The following DPY19L3 variants were observed in gnomAD, a reference collection of about 807,000 sequenced individuals.
DPY19L3 encodes the protein dpy-19 like C-mannosyltransferase 3.
A neutral mutation model predicts 92.3 loss-of-function variants in DPY19L3; 51 were observed. The observed-to-expected ratio is 0.55, with a 90% CI of 0.44 to 0.70. The LOEUF (loss-of-function observed/expected upper bound fraction) is 0.70, where lower values mean the gene tolerates loss of function less well. DPY19L3 is among the 30% of genes least tolerant of loss of function. The pLI, the probability that DPY19L3 is intolerant of heterozygous loss-of-function variation, is 0.00. For synonymous variants in DPY19L3, 309 were observed against 315.2 expected (o/e 0.98, Z 0.21); for missense variants, 706 against 855.9 (o/e 0.82, Z 2.18).
intron 3 of DPY19L3, among the ~76,000 whole-genome samples, chr19:32,414,602 A>T (rs1968314895): frequency 6.6e-6 from 1 of 152,128 alleles, no homozygotes; most frequent in South Asian, 2.1e-4. Context: ...TCAAAAAAAA[A>T]AAAAGAAAGC....
At chr19:32,412,129 G>GGC (rs1968205112) in intron 3 of DPY19L3, 1 of 152,082 alleles carries the variant, frequency 6.6e-6, no homozygotes, top group Non-Finnish European at 1.5e-5. Flanking sequence ...TACTGCCCTG[G>GGC]TCTTCCAAAA....
intron 12 of DPY19L3, among the ~76,000 whole-genome samples, chr19:32,459,709 T>C (rs1969977844): frequency 6.6e-6 from 1 of 152,162 alleles, no homozygotes; most frequent in Non-Finnish European, 1.5e-5. Context: ...TCTGCCATGC[T>C]CTGTGTGAAT....
chr19:32,439,681 G>A, intron 7 of DPY19L3, 95 bp from the exon 8 acceptor site: 2 of 1,308,466 alleles, frequency 1.5e-6, no homozygotes, highest in South Asian at 1.4e-5. Context: ...TTTCTGTTTG[G>A]TTTATAGAGA....
chr19:32,414,808 T>C (rs560840326), intron 3 of DPY19L3, among the ~76,000 whole-genome samples: 1 of 152,330 alleles, frequency 6.6e-6, no homozygotes, highest in East Asian at 1.9e-4. Context: ...AATTTAAAAC[T>C]TGTAACCAGC....
Position 32,408,375 on chromosome 19 carries a change from A to G in DPY19L3, c.103+19A>G. The G allele has an allele frequency of 6.3e-7, 1 of 1,587,776 alleles. No homozygotes were observed. Among genetic ancestry groups the G allele is most frequent in the South Asian group, 1.1e-5 (1 of 89,684 alleles). On this transcript the variant is annotated intron_variant, in intron 2 of 18. Transcript: ENST00000392250. ...CCATCTGGTAGGTGATTTAAACTAAAGCAGCAATTTGGGTTGCTTTTATTT... is the reference window on the plus strand; with the variant it reads ...CCATCTGGTAGGTGATTTAAACTAAGGCAGCAATTTGGGTTGCTTTTATTT...
intron 3 of DPY19L3, among the ~76,000 whole-genome samples, chr19:32,423,605 C>T (rs926004610): frequency 6.6e-6 from 1 of 151,706 alleles, no homozygotes; most frequent in Non-Finnish European, 1.5e-5. Flanking sequence ...ACTTTTGCAC[C>T]AGTCTAATAC....
Position 32,436,508 on chromosome 19 carries a change from C to T in DPY19L3, c.391C>T (p.Arg131Ter), listed in dbSNP as rs765419476. ...ESMKTINLLQ[R>*]MNIYQEVFLS... ...TATGAAGACAATTAACCTCCTTCAG[C>T]GAATGAATATTTACCAAGAGGTTTT... The change falls in exon 5 of 19, where the codon CGA becomes TGA. Residue 131 changes from arginine (R) to a stop codon, truncating the protein, a stop_gained. Transcript: ENST00000392250. LOFTEE classifies it high-confidence loss of function. 1.3e-6 allele frequency: 2 copies of T among 1,576,588 alleles called. No homozygotes were observed. Among genetic ancestry groups the T allele is most frequent in the Non-Finnish European group, 1.7e-6 (2 of 1,152,880 alleles).
In DPY19L3 at chr19:32,453,247, C is replaced by T; in HGVS notation, c.958C>T (p.Leu320Phe). 2 of 1,612,582 alleles carry T rather than the reference C, an allele frequency of 1.2e-6. No individual in the cohort carries two copies. Among genetic ancestry groups the T allele is most frequent in the Non-Finnish European group, 1.7e-6 (2 of 1,179,698 alleles). ...ILGSLLISFN[L>F]SVFIARKLQK... ...TGGATCACTGCTTATCAGTTTTAAC[C>T]TTTCAGTATTCATTGCAAGAAAACT... The change falls in exon 9 of 19, where the codon CTT becomes TTT. Residue 320 changes from leucine to phenylalanine, a missense_variant. Physicochemically the swap from Leu to Phe is conservative, Grantham distance 22 (BLOSUM62 0). Coordinates refer to ENST00000392250, the MANE Select transcript of DPY19L3 (RefSeq NM_001172774.2).
intron 8 of DPY19L3, among the ~76,000 whole-genome samples, chr19:32,447,086 C>G (rs1164367016): frequency 6.6e-6 from 1 of 152,122 alleles, no homozygotes; most frequent in Non-Finnish European, 1.5e-5. Context: ...GGGAATTAAG[C>G]TCACTATTAC....
At chr19:32,472,820 C>G (rs771145849) in intron 16 of DPY19L3, among the ~76,000 whole-genome samples, 1 of 152,166 alleles carries the variant, frequency 6.6e-6, no homozygotes, top group Non-Finnish European at 1.5e-5. Context: ...GAAATAGTCT[C>G]TTTCCAGTAA....
chr19:32,480,316 C>G, intron 17 of DPY19L3, 83 bp from the exon 18 acceptor site: 2 of 1,466,644 alleles, frequency 1.4e-6, no homozygotes, highest in Non-Finnish European at 1.8e-6. Context: ...TTAGACTCAG[C>G]CCTGTGGAAG....
chr19:32,460,117 A>G (rs1009422011), intron 12 of DPY19L3, among the ~76,000 whole-genome samples: 1 of 152,170 alleles, frequency 6.6e-6, no homozygotes, highest in Non-Finnish European at 1.5e-5. Flanking sequence ...TAGGTACAGT[A>G]AAAATATAAA....
At chr19:32,438,343 ATAT>A (rs1969213261) in intron 6 of DPY19L3, among the ~76,000 whole-genome samples, 2 of 152,226 alleles carry the variant, frequency 1.3e-5, no homozygotes, top group Admixed American at 6.5e-5. Context: ...TATAGAGTAG[ATAT>A]TATTATTATC....
chr19:32,465,407 G>A (rs74719709), intron 15 of DPY19L3, among the ~76,000 whole-genome samples: 2,027 of 152,268 alleles, frequency 0.013, 54 homozygotes, highest in African/African-American at 0.046. Flanking sequence ...CTTTGACATT[G>A]GCAGTCTTGA....
intron 16 of DPY19L3, 88 bp downstream of exon 16, chr19:32,468,901 G>T: frequency 1.5e-6 from 2 of 1,303,472 alleles, no homozygotes; most frequent in South Asian, 1.6e-5. Flanking sequence ...TTTTTTGTTT[G>T]TTTCTGAATC....
At chr19:32,481,113 G>A (rs1970660773) in intron 18 of DPY19L3, 1 of 232,198 alleles carries the variant, frequency 4.3e-6, no homozygotes, top group African/African-American at 2.2e-5. Flanking sequence ...TCCCTTCTGA[G>A]GAAAGTGTTC....
At chr19:32,438,954 A>G in intron 6 of DPY19L3, 158 bp from the exon 7 acceptor site, 2 of 729,472 alleles carry the variant, frequency 2.7e-6, no homozygotes, top group South Asian at 2.0e-5. Flanking sequence ...GATGATGATG[A>G]TGATGATGAT....
intron 4 of DPY19L3, among the ~76,000 whole-genome samples, chr19:32,433,267 C>G (rs1688196573): frequency 6.6e-6 from 1 of 152,146 alleles, no homozygotes; most frequent in South Asian, 2.1e-4. Context: ...TCTGCCTTTA[C>G]TCCATCTAAT....
intron 8 of DPY19L3, among the ~76,000 whole-genome samples, chr19:32,447,762 T>C (rs1969548490): frequency 6.8e-6 from 1 of 146,994 alleles, no homozygotes; most frequent in Non-Finnish European, 1.5e-5. Context: ...GATAGATAGA[T>C]AGATAGATAG....
Sources: allele counts gnomAD v4.1 joint callset (sites outside exome capture counted in the v4.1 genomes callset), GRCh38; gene constraint gnomAD v4.1.1; transcripts MANE v1.5; gene names NCBI Gene and HGNC (gene_info 2026-07-23, HGNC 2026-07-21).